Variants in ZCCHC7 observed in about 807,000 individuals in gnomAD.
The protein encoded by ZCCHC7 is zinc finger CCHC-type containing 7, also known as zinc finger CCHC domain-containing protein 7.
Under a neutral mutation model 52.0 loss-of-function variants are expected in ZCCHC7, and 35 were observed. That is an observed-to-expected ratio of 0.67 (90% CI 0.51 to 0.89). The LOEUF is 0.89. ZCCHC7 is among the 40% of genes least tolerant of loss of function. The pLI is 0.00. For synonymous variants in ZCCHC7, 217 were observed against 221.5 expected (o/e 0.98, Z 0.18); for missense variants, 574 against 649.1 (o/e 0.88, Z 1.26).
At chr9:37,240,809 A>G (rs182090056) in intron 2 of ZCCHC7, among the ~76,000 whole-genome samples, 128 of 151,944 alleles carry the variant, frequency 8.4e-4, no homozygotes, top group African/African-American at 2.8e-3. Context: ...CTAAAAGGCC[A>G]TCATTTTGTG....
intron 4 of ZCCHC7, among the ~76,000 whole-genome samples, chr9:37,305,089 T>C (rs1173668878): frequency 6.6e-6 from 1 of 152,238 alleles, no homozygotes; most frequent in East Asian, 1.9e-4. Context: ...CCTGACCAGA[T>C]AATTAGCTCT....
At chr9:37,314,996 T>C (rs1201903799) in intron 5 of ZCCHC7, among the ~76,000 whole-genome samples, 2 of 152,094 alleles carry the variant, frequency 1.3e-5, no homozygotes, top group African/African-American at 4.8e-5. Flanking sequence ...GTTATTCATC[T>C]TGAAAAAACA....
chr9:37,259,415 C>T (rs1588565445), intron 2 of ZCCHC7, among the ~76,000 whole-genome samples: 1 of 152,108 alleles, frequency 6.6e-6, no homozygotes, highest in East Asian at 1.9e-4. Flanking sequence ...AAAATTTATA[C>T]TTTTATAAAG....
At chr9:37,318,027 T>C (rs964696701) in intron 5 of ZCCHC7, among the ~76,000 whole-genome samples, 1 of 152,098 alleles carries the variant, frequency 6.6e-6, no homozygotes. Flanking sequence ...AGCTGTACTA[T>C]TAAAGTACAT....
At chr9:37,300,163 A>G (rs1327672695) in intron 2 of ZCCHC7, among the ~76,000 whole-genome samples, 2 of 152,170 alleles carry the variant, frequency 1.3e-5, no homozygotes, top group Non-Finnish European at 2.9e-5. Flanking sequence ...CCCTCCTTCA[A>G]ACCTTCCTTT....
intron 2 of ZCCHC7, among the ~76,000 whole-genome samples, chr9:37,275,305 T>A (rs1348056710): frequency 6.8e-6 from 1 of 146,432 alleles, no homozygotes; most frequent in Non-Finnish European, 1.5e-5. Flanking sequence ...CTAATCTATA[T>A]TGTCTAGTTT....
chr9:37,156,670 A>G (rs990939228), intron 2 of ZCCHC7, among the ~76,000 whole-genome samples: 1 of 152,258 alleles, frequency 6.6e-6, no homozygotes, highest in Non-Finnish European at 1.5e-5. Context: ...TTATGTTATA[A>G]GCCAAACTCT....
chr9:37,238,328 A>T (rs1329701898), intron 2 of ZCCHC7, among the ~76,000 whole-genome samples: 1 of 151,954 alleles, frequency 6.6e-6, no homozygotes, highest in Non-Finnish European at 1.5e-5. Flanking sequence ...CATATTCCTG[A>T]TTTTTTTGTA....
intron 2 of ZCCHC7, among the ~76,000 whole-genome samples, chr9:37,194,953 T>TC (rs1823213055): frequency 6.6e-6 from 1 of 150,482 alleles, no homozygotes; most frequent in African/African-American, 2.4e-5. Context: ...TTTTCTTTTT[T>TC]TTTTTTTTTT....
chr9:37,233,239 T>C lies in ZCCHC7; in HGVS notation c.611-68949T>C, dbSNP rs1190578281. Among the ~76,000 whole-genome samples the C allele has an allele frequency of 5.3e-5, 8 of 152,298 alleles. 1 individual carries two copies. In the East Asian group the frequency reaches 1.3e-3, roughly 26 times the overall value. ...AGCTTAGCCTAGCATATCTTAAGCT[T>C]GTTCTTGTTTTTATTTGTATTATTT... is the stretch of plus-strand genomic sequence containing the variant. On this transcript the variant is annotated intron_variant, in intron 2 of 8. Transcript: ENST00000336755.
intron 5 of ZCCHC7, among the ~76,000 whole-genome samples, chr9:37,316,965 CAAATG>C (rs546826683): frequency 8.7e-4 from 131 of 150,748 alleles, no homozygotes; most frequent in African/African-American, 3.1e-3. Context: ...GAGATGTCTC[CAAATG>C]AAATGAATTG....
intron 2 of ZCCHC7, among the ~76,000 whole-genome samples, chr9:37,255,684 G>T (rs1381308724): frequency 6.6e-6 from 1 of 152,090 alleles, no homozygotes; most frequent in Non-Finnish European, 1.5e-5. Flanking sequence ...ATAAATAATT[G>T]AGTAGATATC....
At chr9:37,123,894 C>T (rs1842429272) in intron 1 of ZCCHC7, among the ~76,000 whole-genome samples, 1 of 152,284 alleles carries the variant, frequency 6.6e-6, no homozygotes, top group East Asian at 1.9e-4. Context: ...GTGACAGTAA[C>T]AGCATAGCCA....
chr9:37,285,156 T>C (rs1256915884), intron 2 of ZCCHC7, among the ~76,000 whole-genome samples: 1 of 152,124 alleles, frequency 6.6e-6, no homozygotes, highest in Non-Finnish European at 1.5e-5. Context: ...TGGATTTTTG[T>C]TTGAGAAGTT....
At chr9:37,311,481 C>T (rs531771732) in intron 5 of ZCCHC7, among the ~76,000 whole-genome samples, 97 of 151,876 alleles carry the variant, frequency 6.4e-4, no homozygotes, top group African/African-American at 1.8e-3. Context: ...GGTGTGATCT[C>T]GGCTCACTGC....
At chr9:37,306,924 ATTACAGGC>A (rs751930177) in intron 5 of ZCCHC7, among the ~76,000 whole-genome samples, 7 of 150,822 alleles carry the variant, frequency 4.6e-5, no homozygotes, top group Non-Finnish European at 1.0e-4. Context: ...AGTAGCTGGG[ATTACAGGC>A]GCCCACCACC....
chr9:37,162,200 A>G (rs1488085933), intron 2 of ZCCHC7, among the ~76,000 whole-genome samples: 1 of 152,044 alleles, frequency 6.6e-6, no homozygotes, highest in Middle Eastern at 3.2e-3. Flanking sequence ...TACTACATAT[A>G]ATACATAGAA....
At chr9:37,265,311 G>A (rs988262715) in intron 2 of ZCCHC7, among the ~76,000 whole-genome samples, 1 of 152,104 alleles carries the variant, frequency 6.6e-6, no homozygotes, top group Admixed American at 6.5e-5. Flanking sequence ...AGGATGAAAG[G>A]TATTCTTTAC....
At chr9:37,313,052 T>C (rs1028352161) in intron 5 of ZCCHC7, among the ~76,000 whole-genome samples, 4 of 152,212 alleles carry the variant, frequency 2.6e-5, no homozygotes, top group Admixed American at 6.5e-5. Flanking sequence ...GATAGATTGG[T>C]ATGTACTTTC....
Sources: gnomAD v4.1 joint callset for allele counts (sites outside exome capture counted in the v4.1 genomes callset) on GRCh38, gnomAD v4.1.1 for gene constraint, MANE v1.5 for transcripts, NCBI Gene and HGNC (gene_info 2026-07-23, HGNC 2026-07-21) for gene names.